The following MRTFB variants were observed in gnomAD, a reference collection of about 807,000 sequenced individuals.
The protein encoded by MRTFB is myocardin-related transcription factor B.
A neutral mutation model predicts 104.2 loss-of-function variants in MRTFB; 29 were observed. That is an observed-to-expected ratio of 0.28 (90% CI 0.21 to 0.38). MRTFB has a LOEUF of 0.38. Ranked by LOEUF, MRTFB falls within the 10% of genes least tolerant of loss-of-function variation. The pLI is 1.00. For synonymous variants in MRTFB, 535 were observed against 519.5 expected, an observed-to-expected ratio of 1.03 and a Z score of -0.41; for missense variants, 1,270 against 1,341.6, an observed-to-expected ratio of 0.95 and a Z score of 0.83.
At chr16:14,102,309 G>A (rs1424743873) in intron 2 of MRTFB, among the ~76,000 whole-genome samples, 3 of 152,194 alleles carry the variant, frequency 2.0e-5, no homozygotes, top group Non-Finnish European at 2.9e-5. Flanking sequence ...CCAGACTCTT[G>A]AGTCAGGAAA....
chr16:14,200,503 C>T (rs1450212647), intron 3 of MRTFB: 1 of 1,610,520 alleles, frequency 6.2e-7, no homozygotes, highest in South Asian at 1.1e-5. Flanking sequence ...GTGCAATCAT[C>T]GTCTGTCTTC....
intron 12 of MRTFB, chr16:14,248,550 C>T: frequency 6.1e-6 from 1 of 164,386 alleles, no homozygotes; most frequent in Non-Finnish European, 1.3e-5. Flanking sequence ...GCACACACCG[C>T]TTGCAAGCAG....
chr16:14,124,933 A>G (rs762477062), intron 2 of MRTFB, among the ~76,000 whole-genome samples: 2 of 152,040 alleles, frequency 1.3e-5, no homozygotes, highest in Non-Finnish European at 2.9e-5. Flanking sequence ...ATTTCCTGTT[A>G]TATGTTTTCC....
At chr16:14,209,729 T>G (rs1342585176) in intron 3 of MRTFB, among the ~76,000 whole-genome samples, 3 of 152,196 alleles carry the variant, frequency 2.0e-5, no homozygotes, top group African/African-American at 7.2e-5. Flanking sequence ...TTACTAAACT[T>G]TAAATTCCTA....
At chr16:14,225,256 C>G (rs1190489094) in intron 8 of MRTFB, among the ~76,000 whole-genome samples, 1 of 152,130 alleles carries the variant, frequency 6.6e-6, no homozygotes, top group Non-Finnish European at 1.5e-5. Flanking sequence ...GTCTGTAACT[C>G]TACTTTTTTT....
chr16:14,115,771 A>G (rs1400434295), intron 2 of MRTFB, among the ~76,000 whole-genome samples: 1 of 152,200 alleles, frequency 6.6e-6, no homozygotes, highest in Non-Finnish European at 1.5e-5. Flanking sequence ...TGAATTATGA[A>G]AAAACTCCTG....
the MRTFB span, among the ~76,000 whole-genome samples, chr16:14,035,581 A>G: frequency 6.6e-6 from 1 of 152,176 alleles, no homozygotes; most frequent in Non-Finnish European, 1.5e-5. Flanking sequence ...AGCATTTATT[A>G]TATGTTAATC....
chr16:14,253,637 C>T (rs1042155485), intron 15 of MRTFB, among the ~76,000 whole-genome samples: 46 of 152,306 alleles, frequency 3.0e-4, no homozygotes, highest in African/African-American at 1.1e-3. Context: ...AGAAGCTGCT[C>T]AGTCCAGGCG....
the MRTFB span, among the ~76,000 whole-genome samples, chr16:14,024,114 T>G: frequency 6.6e-6 from 1 of 152,130 alleles, no homozygotes; most frequent in African/African-American, 2.4e-5. Flanking sequence ...TCATCTACCT[T>G]ATTATCAGCA....
chr16:14,048,911 G>T, the MRTFB span, among the ~76,000 whole-genome samples: 4 of 152,178 alleles, frequency 2.6e-5, no homozygotes, highest in African/African-American at 4.8e-5. Flanking sequence ...ACATTGGTTG[G>T]GTTGAACTGG....
chr16:14,255,775 C>G lies in MRTFB; in HGVS notation c.2704-2326C>G, dbSNP rs2043454156. Among the ~76,000 whole-genome samples the G allele has an allele frequency of 3.3e-5, 5 of 151,542 alleles. No homozygotes were observed. The South Asian group carries it at 1.0e-3, about 32-fold the overall frequency. ...GAAGTTAAGGATATGTATTGCATAT[C>G]TATAGTAACAATTTAAAAGATTCAA... On this transcript the variant is annotated intron_variant, in intron 15 of 16. Coordinates refer to ENST00000571589, the MANE Select transcript of MRTFB (RefSeq NM_001308142.2).
chr16:14,256,038 A>G (rs1301595746), intron 15 of MRTFB, among the ~76,000 whole-genome samples: 1 of 150,860 alleles, frequency 6.6e-6, no homozygotes, highest in African/African-American at 2.4e-5. Flanking sequence ...ACTTGATCTC[A>G]GGGGGTTGAG....
At chr16:14,141,929 CTT>C (rs2038021227) in intron 3 of MRTFB, 1 of 150,936 alleles carries the variant, frequency 6.6e-6, no homozygotes, top group South Asian at 2.1e-4. Context: ...ATCTCCGTCT[CTT>C]AGGTTCAAGT....
Position 14,140,541 on chromosome 16 carries a change from C to A in MRTFB, c.-63-3C>A. ...TCTCTTTACACATTCTTTATTTTGG[C>A]AGTGTCTTCAATAGGCCGTGTTTAA... On this transcript the variant is annotated splice_polypyrimidine_tract_variant and splice_region_variant and intron_variant, in intron 2 of 16. Coordinates refer to ENST00000571589, the MANE Select transcript of MRTFB (RefSeq NM_001308142.2). 1 of 1,560,194 alleles carries A rather than the reference C, an allele frequency of 6.4e-7. No homozygotes were observed.
At chr16:14,205,653 A>G (rs185020008) in intron 3 of MRTFB, among the ~76,000 whole-genome samples, 9 of 152,358 alleles carry the variant, frequency 5.9e-5, no homozygotes, top group Admixed American at 5.2e-4. Context: ...CAATTGTAAC[A>G]TGAAGTCTGT....
At chr16:14,186,016 A>G (rs2039940604) in intron 3 of MRTFB, among the ~76,000 whole-genome samples, 1 of 152,228 alleles carries the variant, frequency 6.6e-6, no homozygotes, top group Non-Finnish European at 1.5e-5. Flanking sequence ...GTTATGAAAT[A>G]GAAGCTGTCA....
intron 3 of MRTFB, chr16:14,195,602 A>T (rs2040398549): frequency 1.0e-6 from 1 of 977,602 alleles, no homozygotes; most frequent in Non-Finnish European, 1.2e-6. Context: ...ATTGGAGGTA[A>T]ACAATATTCC....
chr16:14,223,639 G>A (rs961132251), intron 8 of MRTFB, among the ~76,000 whole-genome samples: 1 of 152,042 alleles, frequency 6.6e-6, no homozygotes, highest in Admixed American at 6.6e-5. Flanking sequence ...ATCTGCAAAT[G>A]GGAAGGCAGA....
Position 14,252,503 on chromosome 16 carries a change from G to C in MRTFB, c.2703+1G>C. The C allele has an allele frequency of 6.2e-7, 1 of 1,614,022 alleles. No individual in the cohort carries two copies. Among genetic ancestry groups the C allele is most frequent in the Non-Finnish European group, 8.5e-7 (1 of 1,179,976 alleles). On this transcript the variant is annotated splice_donor_variant, in intron 15 of 16. Transcript: ENST00000571589. LOFTEE classifies it high-confidence loss of function. ...CAGCACACAGGCCCCTCTGCCAGAG[G>C]TAAGTGAGGGCACGGTCATGGTGCA...
Sources: gnomAD v4.1 joint callset for allele counts (sites outside exome capture counted in the v4.1 genomes callset) on GRCh38, gnomAD v4.1.1 for gene constraint, MANE v1.5 for transcripts, NCBI Gene and HGNC (gene_info 2026-07-23, HGNC 2026-07-21) for gene names.